CDH10: variants seen among roughly 807,000 people sequenced by gnomAD.
CDH10 encodes the protein cadherin 10.
Under a neutral mutation model 73.1 loss-of-function variants are expected in CDH10, and 30 were observed. The observed-to-expected ratio is 0.41, with a 90% CI of 0.31 to 0.56. CDH10 has a LOEUF of 0.56. Ranked by LOEUF, CDH10 falls within the 20% of genes least tolerant of loss-of-function variation. The pLI is 0.27. For synonymous variants in CDH10, 345 were observed against 348.2 expected (o/e 0.99, Z 0.10); for missense variants, 815 against 973.7 (o/e 0.84, Z 2.17).
Position 24,599,190 on chromosome 5 carries a change from G to C in CDH10, c.-123-5577C>G, listed in dbSNP as rs909119743. Among the ~76,000 whole-genome samples the C allele has an allele frequency of 2.0e-5, 3 of 152,112 alleles. No homozygotes were observed. In the South Asian group the frequency reaches 6.2e-4, roughly 32 times the overall value. On this transcript the variant is annotated intron_variant, in intron 1 of 11. Transcript: ENST00000264463. ...TGAAAGTCTCATTTTACTGTAGCTA[G>C]GATTTATTTCATTATGTGGAGAATG...
intron 1 of CDH10, among the ~76,000 whole-genome samples, chr5:24,626,392 G>C (rs1008429090): frequency 6.6e-6 from 1 of 151,930 alleles, no homozygotes; most frequent in Admixed American, 6.6e-5. Flanking sequence ...CTTTTTCAGA[G>C]GCCTCAAGGA....
intron 2 of CDH10, among the ~76,000 whole-genome samples, chr5:24,582,446 C>A (rs1407405980): frequency 6.6e-6 from 1 of 151,992 alleles, no homozygotes; most frequent in Non-Finnish European, 1.5e-5. Flanking sequence ...ACTATTATCA[C>A]AAAATAAAGC....
intron 8 of CDH10, among the ~76,000 whole-genome samples, chr5:24,499,885 G>T (rs549050923): frequency 6.6e-6 from 1 of 152,232 alleles, no homozygotes; most frequent in Admixed American, 6.5e-5. Context: ...ACATTCATCA[G>T]ATTTTATGAT....
intron 2 of CDH10, among the ~76,000 whole-genome samples, chr5:24,571,814 T>C (rs1745392310): frequency 6.6e-6 from 1 of 152,070 alleles, no homozygotes; most frequent in East Asian, 1.9e-4. Flanking sequence ...GTGGTATAAA[T>C]ACTGCACCAT....
intron 5 of CDH10, among the ~76,000 whole-genome samples, chr5:24,526,723 C>T (rs1484528921): frequency 6.6e-6 from 1 of 151,856 alleles, no homozygotes; most frequent in African/African-American, 2.4e-5. Context: ...TGTTCCTATC[C>T]AGCAATGTGC....
rs57502555 is a variant in CDH10 at position 24,488,791 on chromosome 5, ACC to A, written c.1877-640_1877-639del. ...CATGAAAATATATACCTTGCATGAG[ACC>A]CCCCCCCCAAAAAAAATTGTTAGGT... On this transcript the variant is annotated intron_variant, in intron 11 of 11. Transcript: ENST00000264463. Among the ~76,000 whole-genome samples the A allele has an allele frequency of 8.3e-4, 109 of 131,724 alleles. 1 individual carries two copies. The highest frequency in any genetic ancestry group is 2.8e-3 in the Admixed American group (37 of 13,092). The allele number at this position is 131,724 out of a possible 152,430, so 86.4% of individuals were successfully genotyped here.
At chr5:24,637,993 C>G (rs1361722787) in intron 1 of CDH10, among the ~76,000 whole-genome samples, 1 of 151,736 alleles carries the variant, frequency 6.6e-6, no homozygotes, top group African/African-American at 2.4e-5. Context: ...TTTCATTGCT[C>G]TTAAGTCAAG....
intron 1 of CDH10, among the ~76,000 whole-genome samples, chr5:24,633,336 T>C (rs1747763396): frequency 1.3e-5 from 2 of 151,884 alleles, no homozygotes; most frequent in African/African-American, 2.4e-5. Flanking sequence ...GCTTGATATT[T>C]GGTGAATACG....
chr5:24,585,449 T>A (rs2112069958), intron 2 of CDH10, among the ~76,000 whole-genome samples: 1 of 151,786 alleles, frequency 6.6e-6, no homozygotes, highest in African/African-American at 2.4e-5. Context: ...AACAACGGAG[T>A]TTAGCTTTTG....
intron 2 of CDH10, among the ~76,000 whole-genome samples, chr5:24,573,345 A>G (rs1458143820): frequency 6.6e-6 from 1 of 152,072 alleles, no homozygotes; most frequent in African/African-American, 2.4e-5. Context: ...ATTTAGAGAG[A>G]AAAATGAAGC....
At chr5:24,501,608 C>G (rs1742497418) in intron 8 of CDH10, among the ~76,000 whole-genome samples, 1 of 152,122 alleles carries the variant, frequency 6.6e-6, no homozygotes, top group Non-Finnish European at 1.5e-5. Flanking sequence ...GACGATGCAT[C>G]CATGGGCCTT....
At position 24,554,530 on chromosome 5, in the gene CDH10, G is replaced by T. The variant is rs1286107997; in HGVS notation, c.232-16856C>A. On this transcript the variant is annotated intron_variant, in intron 2 of 11. Transcript: ENST00000264463. The stretch of plus-strand genomic sequence containing the variant: ...TGTGTGTGTGTGTGTGCACGTGCAT[G>T]ATTTTTCTTGATGGCTTTCCTCAAA... 6.9e-5 allele frequency among the ~76,000 whole-genome samples: 9 copies of T among 130,656 alleles called. 1 individual carries two copies. The highest frequency in any genetic ancestry group is 3.9e-4 in the Admixed American group (5 of 12,802). 85.7% of individuals were successfully genotyped at this position (130,656 alleles called of 152,430 possible).
intron 2 of CDH10, among the ~76,000 whole-genome samples, chr5:24,593,022 C>A: frequency 6.6e-6 from 1 of 151,732 alleles, no homozygotes; most frequent in Non-Finnish European, 1.5e-5. Context: ...TTGAGTACCT[C>A]TTTAATCCAT....
At chr5:24,592,322 G>C (rs1448941669) in intron 2 of CDH10, among the ~76,000 whole-genome samples, 1 of 151,842 alleles carries the variant, frequency 6.6e-6, no homozygotes, top group African/African-American at 2.4e-5. Context: ...TGTCAAGGCA[G>C]TGATGTATGC....
intron 1 of CDH10, among the ~76,000 whole-genome samples, chr5:24,633,672 T>C (rs980400573): frequency 1.3e-5 from 2 of 151,914 alleles, no homozygotes; most frequent in African/African-American, 4.8e-5. Context: ...AAAAATGATA[T>C]CTTGCCTCAA....
At chr5:24,595,232 C>G (rs1746330697) in intron 1 of CDH10, among the ~76,000 whole-genome samples, 1 of 151,802 alleles carries the variant, frequency 6.6e-6, no homozygotes, top group Non-Finnish European at 1.5e-5. Flanking sequence ...TTTCACTTCT[C>G]TAATATGGCA....
At chr5:24,494,809 A>G (rs889973053) in intron 9 of CDH10, among the ~76,000 whole-genome samples, 8 of 152,128 alleles carry the variant, frequency 5.3e-5, no homozygotes, top group African/African-American at 1.9e-4. Flanking sequence ...TGAATATCAT[A>G]AAAGGGGTAA....
intron 2 of CDH10, among the ~76,000 whole-genome samples, chr5:24,583,550 G>A (rs1745876365): frequency 6.6e-6 from 1 of 152,008 alleles, no homozygotes; most frequent in Admixed American, 6.6e-5. Flanking sequence ...TACTTAACTA[G>A]AAAAAAATCT....
intron 5 of CDH10, among the ~76,000 whole-genome samples, chr5:24,528,728 C>A (rs1335387389): frequency 6.6e-6 from 1 of 151,944 alleles, no homozygotes; most frequent in Non-Finnish European, 1.5e-5. Context: ...CTGAATTTTG[C>A]CCTATAATCT....
Sources: gnomAD v4.1 joint callset for allele counts (sites outside exome capture counted in the v4.1 genomes callset) on GRCh38, gnomAD v4.1.1 for gene constraint, MANE v1.5 for transcripts, NCBI Gene and HGNC (gene_info 2026-07-23, HGNC 2026-07-21) for gene names.